The following TOMM7 variants were observed in gnomAD, a reference collection of about 807,000 sequenced individuals.
TOMM7 encodes the protein mitochondrial import receptor subunit TOM7 homolog.
TOMM7 carries 8 observed loss-of-function variants against 9.5 expected under a neutral mutation model. That is an observed-to-expected ratio of 0.84 (90% confidence interval 0.49 to 1.51). The LOEUF is 1.51. TOMM7 is among the 40% of genes most tolerant of loss of function. The pLI is 0.00. For synonymous variants in TOMM7, 27 were observed against 21.4 expected (o/e 1.26, Z -0.72); for missense variants, 74 against 63.7 (o/e 1.16, Z -0.55).
chr7:22,822,355 G>T (rs1248316277), intron 1 of TOMM7: 2 of 1,400,720 alleles, frequency 1.4e-6, no homozygotes, highest in African/African-American at 2.9e-5. Flanking sequence ...ACCACCTAGT[G>T]CTAGAGAGTG....
chr7:22,821,973 C>T (rs959324933), intron 1 of TOMM7, among the ~76,000 whole-genome samples: 1 of 152,072 alleles, frequency 6.6e-6, no homozygotes, highest in Non-Finnish European at 1.5e-5. Flanking sequence ...GCACTCCAGT[C>T]TGGGTGACAG....
intron 2 of TOMM7, among the ~76,000 whole-genome samples, chr7:22,817,044 G>A (rs1043494048): frequency 6.6e-6 from 1 of 152,210 alleles, no homozygotes; most frequent in Non-Finnish European, 1.5e-5. Flanking sequence ...AACAGTCTGT[G>A]AGGGCAACCC....
intron 2 of TOMM7, among the ~76,000 whole-genome samples, chr7:22,815,285 C>G (rs1583462424): frequency 6.6e-6 from 1 of 152,240 alleles, no homozygotes; most frequent in South Asian, 2.1e-4. Context: ...AAGACACATT[C>G]TTGCCCCACT....
In TOMM7 at chr7:22,813,195, T is replaced by C; in HGVS notation, c.153-10A>G. 2 of 1,611,002 alleles carry C rather than the reference T, an allele frequency of 1.2e-6. No homozygotes were observed. On this transcript the variant is annotated splice_polypyrimidine_tract_variant and intron_variant, in intron 2 of 2. Coordinates refer to ENST00000358435, the MANE Select transcript of TOMM7 (RefSeq NM_019059.5). ...TTATCCCCAAAGTAGGCTAAAATGT[T>C]TGTGAAGAGAAGAAAGAAATTAAAT...
At chr7:22,816,604 A>C (rs528677139) in intron 2 of TOMM7, among the ~76,000 whole-genome samples, 22 of 152,344 alleles carry the variant, frequency 1.4e-4, no homozygotes, top group African/African-American at 5.3e-4. Flanking sequence ...TTGTTGAAAA[A>C]CTTTATCAGG....
rs1054471 is a variant in TOMM7 at position 22,813,024 on chromosome 7, T to A, written c.*146A>T. The A allele has an allele frequency of 0.38, 291,081 of 761,620 alleles. 61,121 individuals carry two copies. Among genetic ancestry groups the A allele is most frequent in the African/African-American group, 0.68 (39,205 of 57,726 alleles). The allele number at this position is 761,620 out of a possible 1,614,324, so 47.2% of individuals were successfully genotyped here. The stretch of plus-strand genomic sequence containing the variant: ...ACATTCTATCATAAGTTAGTACAAG[T>A]TCCACTCTGCTACAGATGCGTCTGT... On this transcript the variant is annotated 3_prime_UTR_variant, in exon 3 of 3. Coordinates refer to ENST00000358435, the MANE Select transcript of TOMM7 (RefSeq NM_019059.5).
chr7:22,817,067 T>TCAAG, intron 2 of TOMM7, among the ~76,000 whole-genome samples: 1 of 152,088 alleles, frequency 6.6e-6, no homozygotes, highest in African/African-American at 2.4e-5. Flanking sequence ...AAGAGATGTC[T>TCAAG]GAGACAGGAT....
chr7:22,815,447 G>C (rs922160287), intron 2 of TOMM7, among the ~76,000 whole-genome samples: 3 of 151,784 alleles, frequency 2.0e-5, no homozygotes, highest in Non-Finnish European at 4.4e-5. Context: ...TATAATCCTA[G>C]CACATTGGGA....
At chr7:22,814,124 C>T (rs1782286002) in intron 2 of TOMM7, among the ~76,000 whole-genome samples, 1 of 149,096 alleles carries the variant, frequency 6.7e-6, no homozygotes, top group South Asian at 2.1e-4. Flanking sequence ...CGCCTGAGCC[C>T]ACGAGTTCGA....
In TOMM7 at chr7:22,818,386, T is replaced by C. The variant is rs546289155; in HGVS notation, c.104-338A>G. 4 of 185,848 alleles carry C rather than the reference T, an allele frequency of 2.2e-5. No individual in the cohort carries two copies. The South Asian group carries it at 3.3e-4, about 15-fold the overall frequency. The allele number at this position is 185,848 out of a possible 1,614,324, so 11.5% of individuals were successfully genotyped here. A position where few individuals can be genotyped will look rare whatever the true frequency, so the allele number is the denominator to read the frequency against. The stretch of plus-strand genomic sequence containing the variant: ...TCTGCCTCCCAGGCTCAAGCTATTC[T>C]CCTGTCTCAGCCTCCTGAATAGCTA... On this transcript the variant is annotated intron_variant, in intron 1 of 2. Transcript: ENST00000358435.
intron 1 of TOMM7, among the ~76,000 whole-genome samples, chr7:22,821,767 AAGAC>A (rs963126596): frequency 1.4e-4 from 22 of 152,212 alleles, no homozygotes; most frequent in Non-Finnish European, 1.5e-5. Flanking sequence ...AGGAAAAAAA[AAGAC>A]AGAAAAGAAA....
At chr7:22,819,966 T>C (rs1034006263) in intron 1 of TOMM7, among the ~76,000 whole-genome samples, 2 of 152,222 alleles carry the variant, frequency 1.3e-5, no homozygotes, top group Non-Finnish European at 2.9e-5. Flanking sequence ...CTGAAAGTTA[T>C]GATTGAACCT....
intron 2 of TOMM7, among the ~76,000 whole-genome samples, chr7:22,813,782 C>A (rs1328948030): frequency 6.6e-6 from 1 of 150,920 alleles, no homozygotes; most frequent in Non-Finnish European, 1.5e-5. Flanking sequence ...GAAGCCCAAA[C>A]TCCCAAATCA....
Position 22,822,798 on chromosome 7 carries a change from C to A in TOMM7, c.-19G>T, listed in dbSNP as rs369337116. On this transcript the variant is annotated 5_prime_UTR_variant, in exon 1 of 3. Transcript: ENST00000358435. The stretch of plus-strand genomic sequence containing the variant: ...TCACCATGGCGACGGCCGTGTGGCG[C>A]AGGGAGGACCCCTTACAGCAACCAC... 1.9e-6 allele frequency: 3 copies of A among 1,601,860 alleles called. No homozygotes were observed. The South Asian group carries it at 3.3e-5, about 18-fold the overall frequency.
chr7:22,815,166 A>G (rs1482568286), intron 2 of TOMM7, among the ~76,000 whole-genome samples: 1 of 152,200 alleles, frequency 6.6e-6, no homozygotes, highest in African/African-American at 2.4e-5. Flanking sequence ...AAGCACTGAG[A>G]AGACAATAAG....
chr7:22,822,730 T>A lies in TOMM7; in HGVS notation c.50A>T (p.Lys17Met). The A allele has an allele frequency of 6.2e-7, 1 of 1,614,208 alleles. No homozygotes were observed. The highest frequency in any genetic ancestry group is 8.5e-7 in the Non-Finnish European group (1 of 1,180,038). ...EAKQRLQQLF[K>M]GSQFAIRWGF... ...CCAGCGAATGGCAAACTGGCTCCCC[T>A]TGAAGAGCTGCTGTAGTCTCTGCTT... The change falls in exon 1 of 3, where the codon AAG (lysine) becomes ATG (methionine). Residue 17 changes from lysine (K) to methionine (M), a missense_variant. Coordinates refer to ENST00000358435, the MANE Select transcript of TOMM7 (RefSeq NM_019059.5).
At chr7:22,814,416 G>A (rs1208360298) in intron 2 of TOMM7, among the ~76,000 whole-genome samples, 1 of 151,340 alleles carries the variant, frequency 6.6e-6, no homozygotes, top group Admixed American at 6.6e-5. Context: ...CTACTCGGGA[G>A]GCTGAGGTGG....
Position 22,822,558 on chromosome 7 carries a change from G to A in TOMM7, c.103+119C>T. The A allele has an allele frequency of 4.4e-6, 4 of 906,358 alleles. No homozygotes were observed. In the South Asian group the frequency reaches 4.5e-5, roughly 10 times the overall value. The allele number at this position is 906,358 out of a possible 1,614,324, so 56.1% of individuals were successfully genotyped here. On this transcript the variant is annotated intron_variant, in intron 1 of 2. Coordinates refer to ENST00000358435, the MANE Select transcript of TOMM7 (RefSeq NM_019059.5). The stretch of plus-strand genomic sequence containing the variant: ...GGCCCCACTTGACCAGACAGCCTCA[G>A]GGGCCGTGCACGGCAGTGTCCCCTA...
chr7:22,816,042 A>G (rs1782312976), intron 2 of TOMM7, among the ~76,000 whole-genome samples: 1 of 152,216 alleles, frequency 6.6e-6, no homozygotes, highest in Admixed American at 6.5e-5. Context: ...TCTGGGACTT[A>G]GCATGCAGTA....
Sources: gnomAD v4.1 joint callset for allele counts (sites outside exome capture counted in the v4.1 genomes callset) on GRCh38, gnomAD v4.1.1 for gene constraint, MANE v1.5 for transcripts, NCBI Gene and HGNC (gene_info 2026-07-23, HGNC 2026-07-21) for gene names.